Variants in LRRC58 observed in about 807,000 individuals in gnomAD.
The protein encoded by LRRC58 is leucine rich repeat containing 58, also known as leucine-rich repeat-containing protein 58.
LRRC58 carries 18 observed loss-of-function variants against 30.6 expected under a neutral mutation model. The observed-to-expected ratio is 0.59, with a 90% CI of 0.41 to 0.87. The LOEUF (loss-of-function observed/expected upper bound fraction) is 0.87. LRRC58 is among the 40% of genes least tolerant of loss of function. LRRC58 has a pLI of 0.00. For synonymous variants in LRRC58, 221 were observed against 206.0 expected, an observed-to-expected ratio of 1.07 and a Z score of -0.62; for missense variants, 420 against 468.4, an observed-to-expected ratio of 0.90 and a Z score of 0.95.
chr3:120,337,977 G>C (rs892714341), intron 1 of LRRC58, among the ~76,000 whole-genome samples: 2 of 152,074 alleles, frequency 1.3e-5, no homozygotes, highest in Non-Finnish European at 2.9e-5. Flanking sequence ...CGAGGAGCTA[G>C]GATTACAGGT....
intron 1 of LRRC58, among the ~76,000 whole-genome samples, chr3:120,343,071 C>T (rs1183243661): frequency 1.3e-5 from 2 of 152,118 alleles, no homozygotes; most frequent in African/African-American, 2.4e-5. Context: ...GGAAGGTAGA[C>T]GGAAAGGATG....
intron 2 of LRRC58, 147 bp from the exon 3 acceptor site, chr3:120,335,286 G>A (rs1935819372): frequency 1.4e-6 from 1 of 720,170 alleles, no homozygotes; most frequent in Non-Finnish European, 2.2e-6. Context: ...AAAAGGTGCT[G>A]AAACTAGATC....
rs796116731 is a variant in LRRC58 at position 120,347,379 on chromosome 3, C to CTTTTTTTTTTTTTTTT, written c.500+1349_500+1364dup. On this transcript the variant is annotated intron_variant, in intron 1 of 3. Coordinates refer to ENST00000295628, the MANE Select transcript of LRRC58 (RefSeq NM_001099678.2). ...AGTTCTTTTTTCCCAGGCCAATATT[C>CTTTTTTTTTTTTTTTT]TTTTTTTTTTTTTTTTTTTTTTTGA... Among the ~76,000 whole-genome samples the CTTTTTTTTTTTTTTTT allele has an allele frequency of 7.5e-3, 411 of 54,830 alleles. 86 individuals are homozygous for CTTTTTTTTTTTTTTTT. The highest frequency in any genetic ancestry group is 0.017 in the East Asian group (24 of 1,424). 36.0% of individuals were successfully genotyped at this position (54,830 alleles called of 152,430 possible).
rs1205513590 is a variant in LRRC58, at chr3:120,330,715, G to A, written c.*485C>T. 1 of 153,196 alleles carries A rather than the reference G, an allele frequency of 6.5e-6. No homozygotes were observed. Among genetic ancestry groups the A allele is most frequent in the Non-Finnish European group, 1.5e-5 (1 of 68,774 alleles). The allele number at this position is 153,196 out of a possible 1,614,324, so 9.5% of individuals were successfully genotyped here. ...TCTAGACATACAGGCAATTAGAAAA[G>A]GGAGGGTTAATCCTGTTTATGGCAT... On this transcript the variant is annotated 3_prime_UTR_variant, in exon 4 of 4. Coordinates refer to ENST00000295628, the MANE Select transcript of LRRC58 (RefSeq NM_001099678.2).
rs1363729125 is a variant in LRRC58 at position 120,327,476 on chromosome 3, G to A, written c.*3724C>T. 15 of 151,064 alleles carry A rather than the reference G, an allele frequency of 9.9e-5. No individual in the cohort carries two copies. The highest frequency in any genetic ancestry group is 3.4e-4 in the African/African-American group (14 of 41,056). 9.4% of individuals were successfully genotyped at this position (151,064 alleles called of 1,614,324 possible). A position where few individuals can be genotyped will look rare whatever the true frequency, so the allele number is the denominator to read the frequency against. ...TCACCGTGTTAGCCAGGATGGTCTC[G>A]ATCTCCTGACCTCGTGATCCACCCG... is the stretch of plus-strand genomic sequence containing the variant. On this transcript the variant is annotated 3_prime_UTR_variant, in exon 4 of 4. Coordinates refer to ENST00000295628, the MANE Select transcript of LRRC58 (RefSeq NM_001099678.2).
Position 120,349,247 on chromosome 3 carries a change from G to A in LRRC58, c.-4C>T. On this transcript the variant is annotated 5_prime_UTR_variant, in exon 1 of 4. Transcript: ENST00000295628. The stretch of plus-strand genomic sequence containing the variant: ...CCGCTGCTCCGGCCTCCTCCATCCT[G>A]GCCACCGCACGGCGCGTGGCGCCGG... 1 of 1,367,512 alleles carries A rather than the reference G, an allele frequency of 7.3e-7. No individual in the cohort carries two copies. The highest frequency in any genetic ancestry group is 9.4e-7 in the Non-Finnish European group (1 of 1,067,606). 84.7% of individuals were successfully genotyped at this position (1,367,512 alleles called of 1,614,324 possible).
chr3:120,327,953 G>A lies in LRRC58; in HGVS notation c.*3247C>T, dbSNP rs188199741. On this transcript the variant is annotated 3_prime_UTR_variant, in exon 4 of 4. Coordinates refer to ENST00000295628, the MANE Select transcript of LRRC58 (RefSeq NM_001099678.2). ...GTAAAGATGAGGTTTCACCATGTTG[G>A]CCAGGCTGGTCTCAAATTCCTGACT... 1.0e-3 allele frequency: 159 copies of A among 152,156 alleles called. No homozygotes were observed. The highest frequency in any genetic ancestry group is 1.7e-3 in the Non-Finnish European group (114 of 68,044). 9.4% of individuals were successfully genotyped at this position (152,156 alleles called of 1,614,324 possible).
intron 1 of LRRC58, among the ~76,000 whole-genome samples, chr3:120,344,788 A>C (rs1050110098): frequency 2.6e-5 from 4 of 152,220 alleles, no homozygotes; most frequent in Non-Finnish European, 4.4e-5. Context: ...TTGAGTGATA[A>C]GCTATTAAGC....
In LRRC58 at chr3:120,335,114, G is replaced by T; in HGVS notation, c.655C>A (p.Leu219Ile). ...AGATATGTCAGCAAGTTATTGTGAA[G>T]ACTTAGGGAACGAAGTGAATGTAAC... The part of the protein sequence containing the change: ...SQLHSLRSLS[L>I]HNNLLTYLPR... The change falls in exon 3 of 4, where the codon CTT becomes ATT. Residue 219 changes from leucine to isoleucine, a missense_variant. Leu to Ile is a conservative substitution (Grantham distance 5, BLOSUM62 2). Transcript: ENST00000295628. The T allele has an allele frequency of 6.2e-7, 1 of 1,613,530 alleles. No homozygotes were observed. The highest frequency in any genetic ancestry group is 8.5e-7 in the Non-Finnish European group (1 of 1,179,586).
chr3:120,330,932 T>A lies in LRRC58; in HGVS notation c.*268A>T. The A allele has an allele frequency of 2.3e-6, 1 of 437,232 alleles. No homozygotes were observed. The allele number at this position is 437,232 out of a possible 1,614,324, so 27.1% of individuals were successfully genotyped here. ...CTTCAAAAGGTACCATTCTGCTTTG[T>A]GATTCATGCAAAACTTGAGTGAAAA... On this transcript the variant is annotated 3_prime_UTR_variant, in exon 4 of 4. Transcript: ENST00000295628.
chr3:120,343,532 C>T (rs370738060), intron 1 of LRRC58, among the ~76,000 whole-genome samples: 3 of 152,146 alleles, frequency 2.0e-5, no homozygotes, highest in African/African-American at 7.2e-5. Context: ...ACAAATTATT[C>T]CTTTCCTGTT....
rs1350117328 is a variant in LRRC58 at position 120,330,902 on chromosome 3, C to T, written c.*298G>A. ...ATACTACTCATGACTTATTGCAGAA[C>T]TGCTCTTCAAAAGGTACCATTCTGC... is the stretch of plus-strand genomic sequence containing the variant. On this transcript the variant is annotated 3_prime_UTR_variant, in exon 4 of 4. Coordinates refer to ENST00000295628, the MANE Select transcript of LRRC58 (RefSeq NM_001099678.2). The T allele has an allele frequency of 5.3e-6, 2 of 380,218 alleles. No individual in the cohort carries two copies. Among genetic ancestry groups the T allele is most frequent in the Non-Finnish European group, 9.9e-6 (2 of 201,960 alleles). The allele number at this position is 380,218 out of a possible 1,614,324, so 23.6% of individuals were successfully genotyped here.
At chr3:120,347,219 G>A (rs1935979040) in intron 1 of LRRC58, among the ~76,000 whole-genome samples, 1 of 152,020 alleles carries the variant, frequency 6.6e-6, no homozygotes, top group South Asian at 2.1e-4. Flanking sequence ...CACAGGGCAG[G>A]TATTCAATAA....
Position 120,340,255 on chromosome 3 carries a change from A to G in LRRC58, c.501-4302T>C, listed in dbSNP as rs117986183. Among the ~76,000 whole-genome samples, 459 of 152,316 alleles carry G rather than the reference A, an allele frequency of 3.0e-3. 13 individuals carry two copies. In the East Asian group the frequency reaches 0.08, roughly 27 times the overall value. ...ATCTCTTTGAGCTGAATTCCAGGAA[A>G]ATAACTCAGTAAAATCTTTCAGCTT... On this transcript the variant is annotated intron_variant, in intron 1 of 3. Transcript: ENST00000295628.
Position 120,325,187 on chromosome 3 carries a change from A to G in LRRC58, c.*6013T>C, listed in dbSNP as rs554567225. On this transcript the variant is annotated 3_prime_UTR_variant, in exon 4 of 4. Coordinates refer to ENST00000295628, the MANE Select transcript of LRRC58 (RefSeq NM_001099678.2). ...AATATTCTTTCTCAATATCACAACA[A>G]TGTTAACAATTTAAGTTAGTGAAAG... The G allele has an allele frequency of 2.4e-4, 37 of 152,344 alleles. No homozygotes were observed. The highest frequency in any genetic ancestry group is 1.5e-3 in the Admixed American group (23 of 15,306). 9.4% of individuals were successfully genotyped at this position (152,344 alleles called of 1,614,324 possible).
intron 3 of LRRC58, among the ~76,000 whole-genome samples, chr3:120,333,072 A>G (rs1050081026): frequency 2.0e-5 from 3 of 148,582 alleles, no homozygotes; most frequent in Non-Finnish European, 4.4e-5. Flanking sequence ...AGCCTGGGCA[A>G]TACAGCGAGA....
chr3:120,330,428 A>G lies in LRRC58; in HGVS notation c.*772T>C, dbSNP rs896684951. On this transcript the variant is annotated 3_prime_UTR_variant, in exon 4 of 4. Transcript: ENST00000295628. Reference sequence around the variant, plus strand: ...ACCTAGTTCTGTTAAAGAATATTTTACAATGTTCTGCATGGTATGTCAGGT... The same window carrying G: ...ACCTAGTTCTGTTAAAGAATATTTTGCAATGTTCTGCATGGTATGTCAGGT... 6.6e-6 allele frequency: 1 copy of G among 152,148 alleles called. No homozygotes were observed. The highest frequency in any genetic ancestry group is 1.5e-5 in the Non-Finnish European group (1 of 67,988). The allele number at this position is 152,148 out of a possible 1,614,324, so 9.4% of individuals were successfully genotyped here. A position where few individuals can be genotyped will look rare whatever the true frequency, so the allele number is the denominator to read the frequency against.
intron 1 of LRRC58, among the ~76,000 whole-genome samples, chr3:120,340,574 T>C (rs1339034024): frequency 6.6e-6 from 1 of 152,176 alleles, no homozygotes; most frequent in East Asian, 1.9e-4. Context: ...TAACATTTTG[T>C]CTTTTTAAAA....
At chr3:120,332,921 T>A (rs1935777855) in intron 3 of LRRC58, among the ~76,000 whole-genome samples, 1 of 151,958 alleles carries the variant, frequency 6.6e-6, no homozygotes, top group South Asian at 2.1e-4. Context: ...AACTAATGTT[T>A]ATATTTTTTG....
Sources: gnomAD v4.1 joint callset for allele counts (sites outside exome capture counted in the v4.1 genomes callset) on GRCh38, gnomAD v4.1.1 for gene constraint, MANE v1.5 for transcripts, NCBI Gene and HGNC (gene_info 2026-07-23, HGNC 2026-07-21) for gene names.